The following CADPS variants were observed in gnomAD, a reference collection of about 807,000 sequenced individuals.
CADPS encodes the protein calcium dependent secretion activator.
In CADPS, 57 loss-of-function variants were observed where a neutral mutation model predicts 167.3. That is an observed-to-expected ratio of 0.34 (90% CI 0.28 to 0.42). CADPS has a LOEUF of 0.42. Among genes scored for constraint, CADPS ranks in the 20% least tolerant of loss-of-function variants. CADPS has a pLI of 1.00. For synonymous variants in CADPS, 676 were observed against 635.3 expected, an observed-to-expected ratio of 1.06 and a Z score of -0.96; for missense variants, 1,414 against 1,738.1, an observed-to-expected ratio of 0.81 and a Z score of 3.32.
intron 29 of CADPS, among the ~76,000 whole-genome samples, chr3:62,402,096 C>T (rs187063329): frequency 5.8e-4 from 88 of 152,184 alleles, no homozygotes; most frequent in African/African-American, 1.6e-3. Context: ...TAACCTTTCC[C>T]GGGTGGATGC....
chr3:62,748,417 AT>A (rs1231428246), intron 3 of CADPS, among the ~76,000 whole-genome samples: 1 of 149,670 alleles, frequency 6.7e-6, no homozygotes, highest in Non-Finnish European at 1.5e-5. Flanking sequence ...CATTTGAGGT[AT>A]TTTTCAAGGG....
intron 28 of CADPS, among the ~76,000 whole-genome samples, chr3:62,436,191 G>A (rs1576009239): frequency 6.6e-6 from 1 of 152,112 alleles, no homozygotes; most frequent in South Asian, 2.1e-4. Flanking sequence ...CAAAAAAAGA[G>A]AGGCAAGGGT....
chr3:62,825,304 A>G lies in CADPS; in HGVS notation c.441+49285T>C, dbSNP rs142709989. On this transcript the variant is annotated intron_variant, in intron 1 of 29. Transcript: ENST00000383710. ...ATTAGGCACTTAATGTCCTTATTTT[A>G]GGGGTTCCCAAAGTGTAATCATAAA... Among the ~76,000 whole-genome samples the G allele has an allele frequency of 1.1e-3, 168 of 152,220 alleles. 1 individual carries two copies. The highest frequency in any genetic ancestry group is 3.8e-3 in the African/African-American group (156 of 41,554).
intron 10 of CADPS, among the ~76,000 whole-genome samples, chr3:62,553,369 G>A (rs79478485): frequency 6.6e-6 from 1 of 152,196 alleles, no homozygotes; most frequent in Non-Finnish European, 1.5e-5. Context: ...TATGATGTAA[G>A]TACTATTATT....
At chr3:62,520,027 G>A (rs923346736) in intron 13 of CADPS, among the ~76,000 whole-genome samples, 9 of 152,082 alleles carry the variant, frequency 5.9e-5, no homozygotes, top group African/African-American at 1.7e-4. Flanking sequence ...TCAACTGGGG[G>A]AAAAATGGAG....
At position 62,753,345 on chromosome 3, in the gene CADPS, T is replaced by C; in HGVS notation, c.888+96A>G. On this transcript the variant is annotated intron_variant, in intron 3 of 29. Transcript: ENST00000383710. The surrounding 1 kb of genome is among the most constrained non-coding windows in gnomAD (Gnocchi z 4.6). ...CAGTAGAGTAATAAAATATAAGTTT[T>C]AATCCTTTTTTTAAAAAAATCAAGA... 1 of 907,028 alleles carries C rather than the reference T, an allele frequency of 1.1e-6. No individual in the cohort carries two copies. Among genetic ancestry groups the C allele is most frequent in the East Asian group, 2.5e-5 (1 of 40,524 alleles). The allele number at this position is 907,028 out of a possible 1,614,324, so 56.2% of individuals were successfully genotyped here.
At chr3:62,467,638 T>C (rs1319865177) in intron 24 of CADPS, among the ~76,000 whole-genome samples, 2 of 152,106 alleles carry the variant, frequency 1.3e-5, no homozygotes, top group African/African-American at 4.8e-5. Context: ...TTTCCTTATC[T>C]GTAAAAAACA....
At position 62,734,528 on chromosome 3, in the gene CADPS, C is replaced by G. The variant is rs531222055; in HGVS notation, c.888+18913G>C. 5.3e-5 allele frequency among the ~76,000 whole-genome samples: 8 copies of G among 152,182 alleles called. 1 individual carries two copies. The South Asian group carries it at 1.5e-3, about 28-fold the overall frequency. ...TTGCCATAGATTAGTTTTTCCTGATCTTGAGTTTTATATAAATGAAATAAT... is the reference window on the plus strand; with the variant it reads ...TTGCCATAGATTAGTTTTTCCTGATGTTGAGTTTTATATAAATGAAATAAT... On this transcript the variant is annotated intron_variant, in intron 3 of 29. Transcript: ENST00000383710.
chr3:62,565,454 C>G (rs1490904998), intron 9 of CADPS, among the ~76,000 whole-genome samples: 1 of 152,122 alleles, frequency 6.6e-6, no homozygotes, highest in Non-Finnish European at 1.5e-5. Context: ...CCAAGGGTGG[C>G]CTTTGGACCA....
chr3:62,584,686 G>T (rs748246345), intron 8 of CADPS, among the ~76,000 whole-genome samples: 1 of 152,190 alleles, frequency 6.6e-6, no homozygotes, highest in Non-Finnish European at 1.5e-5. Context: ...TTAAGAAAAT[G>T]AAGATGATCA....
At chr3:62,642,592 G>A (rs2067642031) in intron 6 of CADPS, among the ~76,000 whole-genome samples, 1 of 152,146 alleles carries the variant, frequency 6.6e-6, no homozygotes, top group South Asian at 2.1e-4. Context: ...TGCACAAACA[G>A]GCTCGTTCAT....
At chr3:62,622,643 C>A (rs907790366) in intron 6 of CADPS, among the ~76,000 whole-genome samples, 1 of 152,180 alleles carries the variant, frequency 6.6e-6, no homozygotes, top group Non-Finnish European at 1.5e-5. Context: ...TGTTGTTTAT[C>A]CCTGAGCTGA....
intron 17 of CADPS, among the ~76,000 whole-genome samples, chr3:62,508,370 A>T (rs1053510347): frequency 3.3e-5 from 5 of 152,160 alleles, no homozygotes; most frequent in Non-Finnish European, 4.4e-5. Context: ...ATACAGTTTC[A>T]TTGCTAACAA....
At chr3:62,668,902 G>A (rs528022550) in intron 3 of CADPS, among the ~76,000 whole-genome samples, 9 of 152,138 alleles carry the variant, frequency 5.9e-5, no homozygotes, top group Non-Finnish European at 1.0e-4. Context: ...GTCGCACAAC[G>A]ATCAGTGAGG....
At chr3:62,785,671 C>A (rs1043999539) in intron 1 of CADPS, among the ~76,000 whole-genome samples, 1 of 152,182 alleles carries the variant, frequency 6.6e-6, no homozygotes, top group Non-Finnish European at 1.5e-5. Context: ...AGAATCAACA[C>A]TGCTTATTTC....
intron 13 of CADPS, among the ~76,000 whole-genome samples, chr3:62,519,058 T>C (rs998540498): frequency 6.6e-6 from 1 of 152,198 alleles, no homozygotes; most frequent in Admixed American, 6.5e-5. Flanking sequence ...TTATGGACCA[T>C]TCAAGTTGAA....
At chr3:62,577,041 C>A (rs2082428440) in intron 8 of CADPS, among the ~76,000 whole-genome samples, 1 of 151,880 alleles carries the variant, frequency 6.6e-6, no homozygotes, top group Admixed American at 6.6e-5. Flanking sequence ...GAGCGAGCTA[C>A]AAAGGATTAA....
chr3:62,693,418 A>T (rs771831273), intron 3 of CADPS, among the ~76,000 whole-genome samples: 6 of 152,120 alleles, frequency 3.9e-5, no homozygotes, highest in Non-Finnish European at 5.9e-5. Context: ...CAAGCCAGAC[A>T]CAGAGCAGGT....
At chr3:62,620,164 C>A (rs2062951099) in intron 6 of CADPS, among the ~76,000 whole-genome samples, 1 of 152,018 alleles carries the variant, frequency 6.6e-6, no homozygotes, top group Non-Finnish European at 1.5e-5. Flanking sequence ...CTTAATTAGA[C>A]AGAGCCAGCT....
Sources: gnomAD v4.1 joint callset for allele counts (sites outside exome capture counted in the v4.1 genomes callset) on GRCh38, gnomAD v4.1.1 for gene constraint, Gnocchi (gnomAD v3.1) non-coding constraint, MANE v1.5 for transcripts, NCBI Gene and HGNC (gene_info 2026-07-23, HGNC 2026-07-21) for gene names.